Variants in CNTN3 observed in about 807,000 individuals in gnomAD.
CNTN3 encodes the protein contactin 3.
CNTN3 carries 60 observed loss-of-function variants against 119.1 expected under a neutral mutation model. That is an observed-to-expected ratio of 0.50 (90% CI 0.41 to 0.62). The LOEUF is 0.62. Among genes scored for constraint, CNTN3 ranks in the 20% least tolerant of loss-of-function variants. CNTN3 has a pLI of 0.00. For missense variants in CNTN3, 1,101 were observed against 1,242.4 expected, an observed-to-expected ratio of 0.89 and a Z score of 1.71; for synonymous variants, 450 against 438.7, an observed-to-expected ratio of 1.03 and a Z score of -0.32.
chr3:74,453,914 G>A (rs1189734533), intron 4 of CNTN3, among the ~76,000 whole-genome samples: 1 of 152,064 alleles, frequency 6.6e-6, no homozygotes, highest in Non-Finnish European at 1.5e-5. Context: ...ATTTGCTGAG[G>A]AGAGCTTTAC....
Position 74,424,813 on chromosome 3 carries a change from A to G in CNTN3, c.454+32T>C, listed in dbSNP as rs367884970. 4 of 1,583,278 alleles carry G rather than the reference A, an allele frequency of 2.5e-6. No homozygotes were observed. The Admixed American group carries it at 6.7e-5, about 26-fold the overall frequency. ...GCAGGCCTTGCCCTGAACCTTAATA[A>G]ATATGAAAAGCAGAAACAGAGCATG... On this transcript the variant is annotated intron_variant, in intron 5 of 22. Coordinates refer to ENST00000263665, the MANE Select transcript of CNTN3 (RefSeq NM_020872.3).
intron 20 of CNTN3, among the ~76,000 whole-genome samples, chr3:74,270,049 C>CT (rs201415900): frequency 0.011 from 1,610 of 152,230 alleles, 17 homozygotes; most frequent in Non-Finnish European, 0.014. Flanking sequence ...AAAAAGCTTG[C>CT]TAAGATACAT....
At chr3:74,577,214 T>C (rs576849605) in intron 1 of CNTN3, among the ~76,000 whole-genome samples, 1 of 152,256 alleles carries the variant, frequency 6.6e-6, no homozygotes, top group Admixed American at 6.5e-5. Context: ...GACAAACTAA[T>C]ATCAAATGAG....
At chr3:74,502,392 A>C (rs980636784) in intron 2 of CNTN3, among the ~76,000 whole-genome samples, 49 of 152,162 alleles carry the variant, frequency 3.2e-4, no homozygotes, top group Non-Finnish European at 8.8e-5. Flanking sequence ...ACGATGCTAC[A>C]TGGCTTCTCC....
At chr3:74,378,396 C>T (rs9877332) in intron 5 of CNTN3, among the ~76,000 whole-genome samples, 6,074 of 152,208 alleles carry the variant, frequency 0.04, 381 homozygotes, top group African/African-American at 0.14. Flanking sequence ...GTGGATGACA[C>T]TATTATATAT....
chr3:74,397,741 C>A (rs765831998), intron 5 of CNTN3, among the ~76,000 whole-genome samples: 2 of 152,052 alleles, frequency 1.3e-5, no homozygotes, highest in Non-Finnish European at 2.9e-5. Context: ...AATTGAAAAC[C>A]TTCTGGGAAG....
intron 1 of CNTN3, among the ~76,000 whole-genome samples, chr3:74,612,342 T>C (rs1196525062): frequency 6.6e-6 from 1 of 152,224 alleles, no homozygotes; most frequent in East Asian, 1.9e-4. Flanking sequence ...GCTAATCTTC[T>C]CTCTACTTGA....
At chr3:74,317,446 A>G (rs113686459) in intron 13 of CNTN3, among the ~76,000 whole-genome samples, 6,173 of 152,150 alleles carry the variant, frequency 0.041, 402 homozygotes, top group African/African-American at 0.14. Flanking sequence ...TGGTCTTTAC[A>G]TTTTAGCATG....
At chr3:74,471,535 A>ACC (rs918653252) in intron 4 of CNTN3, among the ~76,000 whole-genome samples, 4 of 152,072 alleles carry the variant, frequency 2.6e-5, no homozygotes, top group African/African-American at 9.7e-5. Flanking sequence ...GCCACAGAAC[A>ACC]CCTAGCGTTA....
intron 1 of CNTN3, among the ~76,000 whole-genome samples, chr3:74,591,090 C>G (rs149924413): frequency 2.0e-5 from 3 of 151,946 alleles, no homozygotes; most frequent in African/African-American, 7.2e-5. Context: ...GGTGTAGTCA[C>G]GGCTAATCAT....
chr3:74,464,661 T>C (rs1351787009), intron 4 of CNTN3, among the ~76,000 whole-genome samples: 1 of 152,192 alleles, frequency 6.6e-6, no homozygotes, highest in Non-Finnish European at 1.5e-5. Context: ...TATATAGTTA[T>C]GAGTTTGTGG....
At chr3:74,565,069 AG>A (rs1446366039) in intron 1 of CNTN3, among the ~76,000 whole-genome samples, 1 of 152,138 alleles carries the variant, frequency 6.6e-6, no homozygotes, top group African/African-American at 2.4e-5. Context: ...CCAAAAGAAA[AG>A]AAAAAGACAT....
rs1575666540 is a variant in CNTN3 at position 74,370,055 on chromosome 3, T to C, written c.659-64A>G. On this transcript the variant is annotated intron_variant, in intron 6 of 22. Transcript: ENST00000263665. ...TCCTTTAGAATTGCCTCGTTTTTCTTAAATAAAACTTTCTTTTGCTCCCAT... is the reference window on the plus strand; with the variant it reads ...TCCTTTAGAATTGCCTCGTTTTTCTCAAATAAAACTTTCTTTTGCTCCCAT... 5 of 903,338 alleles carry C rather than the reference T, an allele frequency of 5.5e-6. No homozygotes were observed. The East Asian group carries it at 1.4e-4, about 25-fold the overall frequency. The allele number at this position is 903,338 out of a possible 1,614,324, so 56.0% of individuals were successfully genotyped here.
At chr3:74,500,790 T>C (rs1703153760) in intron 2 of CNTN3, among the ~76,000 whole-genome samples, 2 of 152,032 alleles carry the variant, frequency 1.3e-5, no homozygotes, top group Non-Finnish European at 2.9e-5. Flanking sequence ...ATTGAAATGA[T>C]AAAAATAGCA....
At chr3:74,343,342 G>A (rs1703596365) in intron 11 of CNTN3, among the ~76,000 whole-genome samples, 2 of 152,196 alleles carry the variant, frequency 1.3e-5, no homozygotes, top group African/African-American at 4.8e-5. Flanking sequence ...AAGGGGAAAA[G>A]TTGAGCTAGA....
intron 4 of CNTN3, among the ~76,000 whole-genome samples, chr3:74,485,905 G>T (rs1304617781): frequency 6.6e-6 from 1 of 152,094 alleles, no homozygotes; most frequent in Non-Finnish European, 1.5e-5. Flanking sequence ...AGGCGTCAGT[G>T]GGAGCTGTGC....
At chr3:74,353,173 A>G (rs575645952) in intron 11 of CNTN3, among the ~76,000 whole-genome samples, 1 of 152,274 alleles carries the variant, frequency 6.6e-6, no homozygotes, top group Non-Finnish European at 1.5e-5. Flanking sequence ...GTGCCACCTA[A>G]AACAGATTTG....
chr3:74,565,838 C>A (rs907088476), intron 1 of CNTN3, among the ~76,000 whole-genome samples: 3 of 152,116 alleles, frequency 2.0e-5, no homozygotes, highest in Admixed American at 6.6e-5. Flanking sequence ...CCACCCAAAT[C>A]TCATTTTGAC....
chr3:74,439,835 A>G (rs997504034), intron 4 of CNTN3, among the ~76,000 whole-genome samples: 1 of 152,166 alleles, frequency 6.6e-6, no homozygotes, highest in Non-Finnish European at 1.5e-5. Flanking sequence ...TCATTCACCC[A>G]TTTATTCAAC....
Sources: allele counts gnomAD v4.1 joint callset (sites outside exome capture counted in the v4.1 genomes callset), GRCh38; gene constraint gnomAD v4.1.1; transcripts MANE v1.5; gene names NCBI Gene and HGNC (gene_info 2026-07-23, HGNC 2026-07-21).